CDAN1: variants seen among roughly 807,000 people sequenced by gnomAD.
CDAN1 encodes the protein codanin 1, also known as codanin-1.
A neutral mutation model predicts 139.8 loss-of-function variants in CDAN1; 107 were observed. The ratio of observed to expected loss-of-function variants is 0.77; its 90% confidence interval spans 0.65 to 0.90. CDAN1 has a LOEUF of 0.90. Among genes scored for constraint, CDAN1 ranks in the 40% least tolerant of loss-of-function variants. The pLI, the probability that CDAN1 is intolerant of heterozygous loss-of-function variation, is 0.00. For synonymous variants in CDAN1, 776 were observed against 660.6 expected (o/e 1.17, Z -2.68); for missense variants, 1,667 against 1,575.7 (o/e 1.06, Z -0.98).
rs373881679 is a variant in CDAN1, at chr15:42,734,254, C to T, written c.1229G>A (p.Arg410Gln). Residue 410 changes from arginine (R) to glutamine (Q), a missense_variant, in exon 7 of 28, where the codon CGA becomes CAA. Physicochemically the swap from Arg to Gln is conservative, Grantham distance 43. Transcript: ENST00000356231. ...CFSPALQGRLRAAYEGSVAKV... is the reference protein window; with the variant it reads ...CFSPALQGRLQAAYEGSVAKV... ...GGCAACACTGCCCTCATAGGCAGCT[C>T]GAAGGCGGCCTTGCAGAGCTGGTGA... 14 of 1,613,952 alleles carry T rather than the reference C, an allele frequency of 8.7e-6. No individual in the cohort carries two copies. Among genetic ancestry groups the T allele is most frequent in the African/African-American group, 2.7e-5 (2 of 74,914 alleles).
At chr15:42,727,320 A>G (rs2061541741) in intron 23 of CDAN1, 1 of 327,642 alleles carries the variant, frequency 3.1e-6, no homozygotes. Flanking sequence ...CTCATTTGCT[A>G]TCAAGCCATT....
intron 15 of CDAN1, 95 bp from the exon 16 acceptor site, chr15:42,729,980 A>C: frequency 1.6e-6 from 2 of 1,213,292 alleles, no homozygotes; most frequent in South Asian, 2.5e-5. Flanking sequence ...GCCAGCTTCA[A>C]AGCAGCCACC....
In CDAN1 at chr15:42,727,728, G is replaced by A. The variant is rs765548629; in HGVS notation, c.2989C>T (p.Leu997Phe). 5.7e-6 allele frequency: 9 copies of A among 1,587,064 alleles called. No homozygotes were observed. Among genetic ancestry groups the A allele is most frequent in the South Asian group, 1.1e-5 (1 of 87,486 alleles). Reference protein sequence around the residue: ...REVKAAVSRTLRAQGPEPAAR... With the variant: ...REVKAAVSRTFRAQGPEPAAR... ...GCAGGTTCAGGACCCTGGGCTCGAA[G>A]TGTGCGACTCACTGCTGCTTTCACC... Residue 997 changes from leucine (L) to phenylalanine (F), a missense_variant, in exon 23 of 28, where the codon CTT becomes TTT. Leu to Phe is a conservative substitution (Grantham distance 22). Around this residue, in one of 3 missense-constraint regions of CDAN1, gnomAD observed 936 missense variants for 844.1 expected, o/e 1.11. Coordinates refer to ENST00000356231, the MANE Select transcript of CDAN1 (RefSeq NM_138477.4).
chr15:42,725,950 T>C (rs1047739329), intron 25 of CDAN1, 147 bp downstream of exon 25: 1 of 711,824 alleles, frequency 1.4e-6, no homozygotes, highest in Admixed American at 3.1e-5. Flanking sequence ...CACTCCAGCC[T>C]GGGCAACAGA....
At position 42,736,530 on chromosome 15, in the gene CDAN1, G is replaced by A; in HGVS notation, c.341C>T (p.Pro114Leu). ...CCTCCTGCCCCCGCGGCGGGCCAGA[G>A]GGGCCTCGGCAGCGGTGCTCTGGGC... ...TEAQSTAAEA[P>L]LARRGGRRRG... The change falls in exon 2 of 28, where the codon CCT becomes CTT. Residue 114 changes from proline to leucine, a missense_variant. Around this residue, in one of 3 missense-constraint regions of CDAN1, gnomAD observed 487 missense variants for 422.2 expected, o/e 1.15. Transcript: ENST00000356231. 1 of 1,453,662 alleles carries A rather than the reference G, an allele frequency of 6.9e-7. No individual in the cohort carries two copies. The highest frequency in any genetic ancestry group is 1.4e-5 in the South Asian group (1 of 73,946). The allele number at this position is 1,453,662 out of a possible 1,614,324, so 90.0% of individuals were successfully genotyped here. A position where few individuals can be genotyped will look rare whatever the true frequency, so the allele number is the denominator to read the frequency against.
intron 25 of CDAN1, 59 bp downstream of exon 25, chr15:42,726,038 C>T: frequency 3.0e-6 from 4 of 1,351,508 alleles, no homozygotes; most frequent in Non-Finnish European, 4.2e-6. Flanking sequence ...CTTGCTTGTA[C>T]CCAACCCTGA....
At position 42,732,165 on chromosome 15, in the gene CDAN1, T is replaced by C. The variant is rs550064551; in HGVS notation, c.1533+168A>G. 3.3e-5 allele frequency among the ~76,000 whole-genome samples: 5 copies of C among 152,226 alleles called. No homozygotes were observed. The East Asian group carries it at 9.7e-4, about 29-fold the overall frequency. On this transcript the variant is annotated intron_variant, in intron 10 of 27. Transcript: ENST00000356231. Reference sequence around the variant, plus strand: ...ATGTGTCAAAGAGAGTGCCCTGGCTTTTCTGTGGCCACTGGAGTTTCAGCC... The same window carrying C: ...ATGTGTCAAAGAGAGTGCCCTGGCTCTTCTGTGGCCACTGGAGTTTCAGCC...
chr15:42,725,402 A>G, intron 26 of CDAN1, 87 bp downstream of exon 26: 1 of 1,544,752 alleles, frequency 6.5e-7, no homozygotes, highest in South Asian at 1.1e-5. Context: ...GGGGAAATAA[A>G]GGATGCAGAG....
In CDAN1 at chr15:42,729,040, GT is replaced by G; in HGVS notation, c.2627del (p.Asn876ThrfsTer27). ...VEFVAERIGS[N>X]CVKHIKATLV... ...ACTCTTACTTGATATGTTTGACACAGTTTGATCCAATTCTTTCTGCCACGAA... is the reference window on the plus strand; with the variant it reads ...ACTCTTACTTGATATGTTTGACACAGTTGATCCAATTCTTTCTGCCACGAA... On this transcript the variant is annotated frameshift_variant, in exon 19 of 28. Transcript: ENST00000356231. LOFTEE classifies it high-confidence loss of function. 1 of 1,614,196 alleles carries G rather than the reference GT, an allele frequency of 6.2e-7. No homozygotes were observed. Among genetic ancestry groups the G allele is most frequent in the Non-Finnish European group, 8.5e-7 (1 of 1,180,008 alleles).
chr15:42,736,713 A>G lies in CDAN1; in HGVS notation c.158T>C (p.Leu53Pro). Residue 53 changes from leucine to proline, a missense_variant, in exon 2 of 28, where the codon CTG becomes CCG. Around this residue, in one of 3 missense-constraint regions of CDAN1, gnomAD observed 487 missense variants for 422.2 expected, o/e 1.15. Coordinates refer to ENST00000356231, the MANE Select transcript of CDAN1 (RefSeq NM_138477.4). ...GCTCTGCTCCCTCAGGAAGTTCAAC[A>G]GGAACGGTACGAATTCTTTCCGCAG... ...RALRKEFVPFLLNFLREQSSR... is the reference protein window; with the variant it reads ...RALRKEFVPFPLNFLREQSSR... 1.3e-6 allele frequency: 2 copies of G among 1,560,588 alleles called. No homozygotes were observed. The highest frequency in any genetic ancestry group is 1.7e-6 in the Non-Finnish European group (2 of 1,157,036).
intron 1 of CDAN1, 49 bp from the exon 2 acceptor site, chr15:42,736,829 G>A (rs374298277): frequency 1.4e-6 from 2 of 1,473,314 alleles, no homozygotes; most frequent in South Asian, 1.3e-5. Flanking sequence ...CCGCCGGCCC[G>A]CGGGCCGTGA....
At chr15:42,731,586 T>G in intron 11 of CDAN1, 34 bp downstream of exon 11, 1 of 1,606,976 alleles carries the variant, frequency 6.2e-7, no homozygotes, top group Non-Finnish European at 8.5e-7. Flanking sequence ...TCCTGGCCTC[T>G]GCCCCATTCC....
intron 15 of CDAN1, 37 bp from the exon 16 acceptor site, chr15:42,729,922 A>ACGGG: frequency 2.6e-6 from 4 of 1,513,140 alleles, no homozygotes; most frequent in Non-Finnish European, 3.6e-6. Context: ...AACTTCAGAG[A>ACGGG]CCCCCACCCA....
chr15:42,734,760 G>A (rs918132815), intron 6 of CDAN1, among the ~76,000 whole-genome samples: 3 of 146,454 alleles, frequency 2.0e-5, no homozygotes, highest in East Asian at 2.0e-4. Flanking sequence ...GATTATAGGC[G>A]CACTCCCCCA....
chr15:42,728,642 C>T lies in CDAN1; in HGVS notation c.2804+10G>A, dbSNP rs765733042. On this transcript the variant is annotated intron_variant, in intron 20 of 27. Coordinates refer to ENST00000356231, the MANE Select transcript of CDAN1 (RefSeq NM_138477.4). ...GAGGAGAGTGGATCAAATGGACCAG[C>T]GCTGCTTACTCCCGCCCCAGGGCCA... The T allele has an allele frequency of 3.9e-5, 63 of 1,613,536 alleles. No individual in the cohort carries two copies. The highest frequency in any genetic ancestry group is 5.3e-5 in the African/African-American group (4 of 74,892).
chr15:42,728,563 G>A, intron 20 of CDAN1, 89 bp downstream of exon 20: 1 of 1,549,978 alleles, frequency 6.5e-7, no homozygotes, highest in Non-Finnish European at 8.9e-7. Flanking sequence ...ATGAAGAGAA[G>A]AAAGGGAAAA....
chr15:42,728,511 G>T, intron 20 of CDAN1, 141 bp downstream of exon 20: 1 of 1,271,060 alleles, frequency 7.9e-7, no homozygotes, highest in Non-Finnish European at 1.1e-6. Flanking sequence ...AGCCAGTGCA[G>T]GGCTTATAGA....
chr15:42,727,614 C>A lies in CDAN1; in HGVS notation c.3096+7G>T. ...GGGAAGCCAAAGGGAGTAGGGTAGC[C>A]GTGTACTTTTATCTCGGAGATGAGG... On this transcript the variant is annotated splice_region_variant and intron_variant, in intron 23 of 27. Transcript: ENST00000356231. The A allele has an allele frequency of 6.4e-7, 1 of 1,556,882 alleles. No individual in the cohort carries two copies. Among genetic ancestry groups the A allele is most frequent in the Non-Finnish European group, 8.7e-7 (1 of 1,147,230 alleles).
chr15:42,728,945 C>T, intron 19 of CDAN1, 78 bp downstream of exon 19: 1 of 1,574,000 alleles, frequency 6.4e-7, no homozygotes, highest in Non-Finnish European at 8.7e-7. Flanking sequence ...CTCTGGCTGA[C>T]CTTCTCAGTT....
Sources: allele counts gnomAD v4.1 joint callset (sites outside exome capture counted in the v4.1 genomes callset), GRCh38; gene constraint gnomAD v4.1.1; regional missense constraint gnomAD v4.1.1; transcripts MANE v1.5; gene names NCBI Gene and HGNC (gene_info 2026-07-23, HGNC 2026-07-21).